Variants in MSR1 observed in about 807,000 individuals in gnomAD.
The protein encoded by MSR1 is macrophage scavenger receptor types I and II.
A neutral mutation model predicts 47.2 loss-of-function variants in MSR1; 53 were observed. The ratio of observed to expected loss-of-function variants is 1.12; its 90% CI spans 0.90 to 1.41. The LOEUF is 1.41. Ranked by LOEUF, MSR1 falls within the 40% of genes most tolerant of loss-of-function variation. The pLI, the probability that MSR1 is intolerant of heterozygous loss-of-function variation, is 0.00. For synonymous variants in MSR1, 239 were observed against 185.6 expected, an observed-to-expected ratio of 1.29 and a Z score of -2.34; for missense variants, 786 against 546.9, an observed-to-expected ratio of 1.44 and a Z score of -4.36.
intron 8 of MSR1, chr8:16,139,590 G>C (rs920546165): frequency 2.1e-6 from 2 of 972,904 alleles, no homozygotes; most frequent in Non-Finnish European, 2.4e-6. Flanking sequence ...AATATAACAT[G>C]TAATCCCATA....
At chr8:16,147,301 T>G (rs533505150) in intron 7 of MSR1, among the ~76,000 whole-genome samples, 35 of 152,118 alleles carry the variant, frequency 2.3e-4, no homozygotes, top group Non-Finnish European at 3.8e-4. Context: ...GACTGTCTTA[T>G]TCACCCTTCA....
chr8:16,109,174 A>ACCC lies in MSR1; in HGVS notation c.*908_*910dup, dbSNP rs3036788. 1.8e-5 allele frequency: 2 copies of ACCC among 111,388 alleles called. No individual in the cohort carries two copies. Among genetic ancestry groups the ACCC allele is most frequent in the African/African-American group, 3.9e-5 (1 of 25,534 alleles). 6.9% of individuals were successfully genotyped at this position (111,388 alleles called of 1,614,324 possible). A position where few individuals can be genotyped will look rare whatever the true frequency, so the allele number is the denominator to read the frequency against. On this transcript the variant is annotated 3_prime_UTR_variant, in exon 10 of 10. Coordinates refer to ENST00000262101, the MANE Select transcript of MSR1 (RefSeq NM_138715.3). ...CTTTAGGACTAAAGACGCACCCCCC[A>ACCC]CCCCCCCCCCCGCCCTTTGGTTGTA... is the stretch of plus-strand genomic sequence containing the variant.
rs77233037 is a variant in MSR1, at chr8:16,120,847, G to A, written c.1034-241C>T. 4,139 of 544,434 alleles carry A rather than the reference G, an allele frequency of 7.6e-3. 156 individuals carry two copies. Among genetic ancestry groups the A allele is most frequent in the African/African-American group, 0.068 (3,597 of 52,810 alleles). The allele number at this position is 544,434 out of a possible 1,614,324, so 33.7% of individuals were successfully genotyped here. A position where few individuals can be genotyped will look rare whatever the true frequency, so the allele number is the denominator to read the frequency against. ...AAAATCCAATCTGTCTTACATGTAAGTTATATATACGAGGACACGTCACAG... is the reference window on the plus strand; with the variant it reads ...AAAATCCAATCTGTCTTACATGTAAATTATATATACGAGGACACGTCACAG... On this transcript the variant is annotated intron_variant, in intron 8 of 9. Coordinates refer to ENST00000262101, the MANE Select transcript of MSR1 (RefSeq NM_138715.3).
chr8:16,157,162 T>C (rs1353315799), intron 5 of MSR1, among the ~76,000 whole-genome samples: 1 of 151,932 alleles, frequency 6.6e-6, no homozygotes, highest in East Asian at 1.9e-4. Flanking sequence ...AACTAGAACA[T>C]GAAACAAGAA....
At chr8:16,139,697 G>C in intron 8 of MSR1, 1 of 952,526 alleles carries the variant, frequency 1.0e-6, no homozygotes, top group Non-Finnish European at 1.2e-6. Flanking sequence ...TTTTATTTTT[G>C]GTTTAAATGG....
intron 7 of MSR1, among the ~76,000 whole-genome samples, chr8:16,149,673 CA>C (rs750137333): frequency 5.3e-5 from 8 of 152,030 alleles, no homozygotes; most frequent in East Asian, 1.9e-4. Context: ...GTGTACATTT[CA>C]AAATGCTGAG....
rs556343685 is a variant in MSR1 at position 16,108,627 on chromosome 8, C to A, written c.*1458G>T. 5 of 152,264 alleles carry A rather than the reference C, an allele frequency of 3.3e-5. No homozygotes were observed. The East Asian group carries it at 5.8e-4, about 18-fold the overall frequency. 9.4% of individuals were successfully genotyped at this position (152,264 alleles called of 1,614,324 possible). ...AGACAGAAAGTGTACATTCAGAATT[C>A]ATTCTCTTAACCACAAAATTATGCT... On this transcript the variant is annotated 3_prime_UTR_variant, in exon 10 of 10. Coordinates refer to ENST00000262101, the MANE Select transcript of MSR1 (RefSeq NM_138715.3).
intron 1 of MSR1, among the ~76,000 whole-genome samples, chr8:16,185,368 T>C (rs140281957): frequency 9.8e-4 from 149 of 152,308 alleles, no homozygotes; most frequent in African/African-American, 3.4e-3. Context: ...ATAACACAAC[T>C]AGCTACAAAC....
At position 16,120,578 on chromosome 8, in the gene MSR1, A is replaced by G. The variant is rs925883345; in HGVS notation, c.1062T>C (p.Gly354=). The G allele has an allele frequency of 2.5e-6, 4 of 1,590,168 alleles. No homozygotes were observed. Among genetic ancestry groups the G allele is most frequent in the African/African-American group, 3.0e-5 (2 of 67,054 alleles). ...CCCTCCCCTCGTGAGGGCCGCTCCC[A>G]CCGACCAGTCGAACTTTCGTAAATG... is the stretch of plus-strand genomic sequence containing the variant. ...LTPFTKVRLV[G]GSGPHEGRVE... The change falls in exon 9 of 10, where the codon GGT becomes GGC. Residue 354 remains glycine, a synonymous_variant. Coordinates refer to ENST00000262101, the MANE Select transcript of MSR1 (RefSeq NM_138715.3).
intron 1 of MSR1, among the ~76,000 whole-genome samples, chr8:16,191,545 T>G (rs1205887349): frequency 2.6e-5 from 4 of 151,678 alleles, no homozygotes; most frequent in Non-Finnish European, 4.4e-5. Flanking sequence ...TGAGCTTTTC[T>G]TATTTTGTTC....
rs1249878784 is a variant in MSR1, at chr8:16,164,267, G to C, written c.631-16C>G. The C allele has an allele frequency of 6.2e-7, 1 of 1,604,428 alleles. No homozygotes were observed. The highest frequency in any genetic ancestry group is 1.3e-5 in the African/African-American group (1 of 74,688). Reference sequence around the variant, plus strand: ...TACTGATTTCCTGTAAAACATAAGTGAGCATTCACAGCCTTTGTTACATAC... The same window carrying C: ...TACTGATTTCCTGTAAAACATAAGTCAGCATTCACAGCCTTTGTTACATAC... On this transcript the variant is annotated splice_polypyrimidine_tract_variant and intron_variant, in intron 4 of 9. Coordinates refer to ENST00000262101, the MANE Select transcript of MSR1 (RefSeq NM_138715.3).
chr8:16,145,479 G>A (rs886069447), intron 7 of MSR1, among the ~76,000 whole-genome samples: 1 of 152,108 alleles, frequency 6.6e-6, no homozygotes, highest in African/African-American at 2.4e-5. Context: ...AATGAGAAAA[G>A]AGAAAGAAAC....
intron 7 of MSR1, among the ~76,000 whole-genome samples, chr8:16,146,113 A>G (rs1219047534): frequency 2.0e-5 from 3 of 152,074 alleles, no homozygotes; most frequent in Non-Finnish European, 4.4e-5. Context: ...ATTTCTGCTT[A>G]CATGCCTTAA....
intron 1 of MSR1, among the ~76,000 whole-genome samples, chr8:16,189,712 C>T (rs1387936305): frequency 9.6e-5 from 6 of 62,328 alleles, no homozygotes; most frequent in East Asian, 5.3e-4. Context: ...TATATAAAAT[C>T]TTATTTTATA....
intron 7 of MSR1, among the ~76,000 whole-genome samples, chr8:16,147,962 C>A (rs774261879): frequency 1.3e-5 from 2 of 152,130 alleles, no homozygotes; most frequent in Admixed American, 1.3e-4. Context: ...AATCCCAGAC[C>A]TACTGCATCA....
At chr8:16,150,865 C>CAG (rs1223442096) in intron 6 of MSR1, among the ~76,000 whole-genome samples, 4 of 151,238 alleles carry the variant, frequency 2.6e-5, no homozygotes, top group African/African-American at 9.7e-5. Flanking sequence ...CACACACACA[C>CAG]ACACACACAC....
intron 8 of MSR1, among the ~76,000 whole-genome samples, chr8:16,131,835 G>C (rs911568073): frequency 2.6e-5 from 4 of 151,992 alleles, no homozygotes; most frequent in African/African-American, 9.7e-5. Flanking sequence ...TGTTCCATTG[G>C]TGTATGTGTC....
At chr8:16,128,423 C>A (rs918707122) in intron 8 of MSR1, among the ~76,000 whole-genome samples, 1 of 152,034 alleles carries the variant, frequency 6.6e-6, no homozygotes, top group Non-Finnish European at 1.5e-5. Context: ...AGTGCTCACA[C>A]AGAAACTGCC....
At chr8:16,188,574 A>C (rs992784366) in intron 1 of MSR1, among the ~76,000 whole-genome samples, 1 of 152,030 alleles carries the variant, frequency 6.6e-6, no homozygotes, top group Non-Finnish European at 1.5e-5. Context: ...TACATATGCC[A>C]TGGTGGTTTG....
Sources: gnomAD v4.1 joint callset for allele counts (sites outside exome capture counted in the v4.1 genomes callset) on GRCh38, gnomAD v4.1.1 for gene constraint, MANE v1.5 for transcripts, NCBI Gene and HGNC (gene_info 2026-07-23, HGNC 2026-07-21) for gene names.